Variants in RUNX2 observed in about 807,000 individuals in gnomAD.
RUNX2 encodes the protein RUNX family transcription factor 2, also known as runt-related transcription factor 2.
In RUNX2, 10 loss-of-function variants were observed where a neutral mutation model predicts 51.7. That is an observed-to-expected ratio of 0.19 (90% CI 0.12 to 0.33). RUNX2 has a LOEUF of 0.33. Ranked by LOEUF, RUNX2 falls within the 10% of genes least tolerant of loss-of-function variation. The pLI is 1.00. For missense variants in RUNX2, 562 were observed against 691.3 expected, an observed-to-expected ratio of 0.81 and a Z score of 2.10; for synonymous variants, 276 against 273.6, an observed-to-expected ratio of 1.01 and a Z score of -0.09.
chr6:45,331,019 A>C (rs1406374596), intron 2 of RUNX2, among the ~76,000 whole-genome samples: 1 of 151,994 alleles, frequency 6.6e-6, no homozygotes, highest in Admixed American at 6.6e-5. Context: ...CAATTTTGTA[A>C]AATAGTTAAA....
chr6:45,545,233 C>A lies in RUNX2; in HGVS notation c.1038C>A (p.Thr346=). 1 of 1,549,930 alleles carries A rather than the reference C, an allele frequency of 6.5e-7. No homozygotes were observed. The highest frequency in any genetic ancestry group is 8.7e-7 in the Non-Finnish European group (1 of 1,146,858). ...ATTTTACAGATGATGACACTGCCACCTCTGACTTCTGCCTCTGGCCTTCCA... is the reference window on the plus strand; with the variant it reads ...ATTTTACAGATGATGACACTGCCACATCTGACTTCTGCCTCTGGCCTTCCA... ...PRRISDDDTA[T]SDFCLWPSTL... The change falls in exon 8 of 9, where the codon ACC becomes ACA. Residue 346 remains threonine, a synonymous_variant. Coordinates refer to ENST00000647337, the MANE Select transcript of RUNX2 (RefSeq NM_001024630.4).
intron 5 of RUNX2, among the ~76,000 whole-genome samples, chr6:45,484,405 A>T (rs908003246): frequency 5.9e-5 from 9 of 152,220 alleles, no homozygotes; most frequent in African/African-American, 2.2e-4. Flanking sequence ...TTAATTAAAC[A>T]TTACAAGAGT....
intron 2 of RUNX2, among the ~76,000 whole-genome samples, chr6:45,373,103 G>A (rs1399979169): frequency 6.6e-6 from 1 of 151,972 alleles, no homozygotes; most frequent in Non-Finnish European, 1.5e-5. Context: ...CACCGCACCC[G>A]GCCCAGCTAA....
At chr6:45,368,225 T>C (rs1039182652) in intron 2 of RUNX2, among the ~76,000 whole-genome samples, 15 of 152,166 alleles carry the variant, frequency 9.9e-5, no homozygotes, top group African/African-American at 3.1e-4. Context: ...GATTGGGACC[T>C]AGATTATTTC....
chr6:45,342,978 G>A (rs951160736), intron 2 of RUNX2, among the ~76,000 whole-genome samples: 1 of 152,122 alleles, frequency 6.6e-6, no homozygotes, highest in African/African-American at 2.4e-5. Flanking sequence ...ACATAACCCT[G>A]AGCAACCAAC....
intron 4 of RUNX2, among the ~76,000 whole-genome samples, chr6:45,433,210 C>G (rs1223974408): frequency 2.0e-5 from 3 of 152,118 alleles, no homozygotes; most frequent in South Asian, 2.1e-4. Flanking sequence ...AAATGAGGCT[C>G]ACAGCCTCCG....
At chr6:45,385,418 G>A (rs1797328647) in intron 2 of RUNX2, among the ~76,000 whole-genome samples, 1 of 152,124 alleles carries the variant, frequency 6.6e-6, no homozygotes, top group African/African-American at 2.4e-5. Flanking sequence ...TGGATGAGCT[G>A]CCATCTGTCC....
At chr6:45,365,301 T>C (rs1187997408) in intron 2 of RUNX2, 1 of 1,604,800 alleles carries the variant, frequency 6.2e-7, no homozygotes. Flanking sequence ...GTATTATTCA[T>C]CTAAATAAAA....
At chr6:45,471,585 C>T (rs1407902856) in intron 5 of RUNX2, among the ~76,000 whole-genome samples, 1 of 151,904 alleles carries the variant, frequency 6.6e-6, no homozygotes, top group Non-Finnish European at 1.5e-5. Context: ...GCTGGGACTA[C>T]AGGCGCCCAC....
At chr6:45,507,019 G>A (rs1477698367) in intron 6 of RUNX2, among the ~76,000 whole-genome samples, 7 of 150,410 alleles carry the variant, frequency 4.7e-5, no homozygotes, top group Non-Finnish European at 8.9e-5. Context: ...TTTAGCCCCC[G>A]AAAACTTGTA....
chr6:45,392,417 G>A (rs1007933090), intron 2 of RUNX2, among the ~76,000 whole-genome samples: 3 of 152,102 alleles, frequency 2.0e-5, no homozygotes, highest in Non-Finnish European at 4.4e-5. Context: ...AGCTGAGGCA[G>A]GAGGAATGCA....
chr6:45,474,551 A>G (rs189887785), intron 5 of RUNX2, among the ~76,000 whole-genome samples: 1 of 152,212 alleles, frequency 6.6e-6, no homozygotes, highest in Non-Finnish European at 1.5e-5. Context: ...CACATCTGTT[A>G]ATAAGCCTGG....
At chr6:45,332,351 T>TAC (rs1373623861) in intron 2 of RUNX2, among the ~76,000 whole-genome samples, 1 of 151,444 alleles carries the variant, frequency 6.6e-6, no homozygotes, top group Non-Finnish European at 1.5e-5. Flanking sequence ...CAACTGTATA[T>TAC]ATATATTTAA....
At chr6:45,518,229 C>T (rs540797143) in intron 7 of RUNX2, among the ~76,000 whole-genome samples, 44 of 152,176 alleles carry the variant, frequency 2.9e-4, no homozygotes, top group Non-Finnish European at 3.7e-4. Flanking sequence ...AGAAGTTCTC[C>T]GTTTAAAGCC....
rs983995587 is a variant in RUNX2 at position 45,485,685 on chromosome 6, G to C, written c.686-6256G>C. On this transcript the variant is annotated intron_variant, in intron 5 of 8. Transcript: ENST00000647337. ...TGCATGGATATGTATGTGTGTGTGT[G>C]TGTGTGTGTGTGTATATATATATAT... is the stretch of plus-strand genomic sequence containing the variant. Among the ~76,000 whole-genome samples the C allele has an allele frequency of 3.1e-4, 25 of 81,276 alleles. No individual in the cohort carries two copies. In the East Asian group the frequency reaches 5.5e-3, roughly 18 times the overall value. 53.3% of individuals were successfully genotyped at this position (81,276 alleles called of 152,430 possible).
chr6:45,437,984 T>G lies in RUNX2; in HGVS notation c.618T>G (p.Asn206Lys). The G allele has an allele frequency of 1.2e-6, 2 of 1,613,546 alleles. No individual in the cohort carries two copies. Among genetic ancestry groups the G allele is most frequent in the Non-Finnish European group, 1.7e-6 (2 of 1,179,610 alleles). ...CCTTGACCATAACCGTCTTCACAAA[T>G]CCTCCCCAAGTAGCTACCTATCACA... ...SFTLTITVFT[N>K]PPQVATYHRA... Residue 206 changes from asparagine (N) to lysine (K), a missense_variant, in exon 5 of 9, where the codon AAT (asparagine) becomes AAG (lysine). Physicochemically the swap from Asn to Lys is moderately conservative, Grantham distance 94. Transcript: ENST00000647337.
In RUNX2 at chr6:45,512,378, C is replaced by A. The variant is rs114554762; in HGVS notation, c.992C>A (p.Ala331Asp). 6.2e-7 allele frequency: 1 copy of A among 1,614,098 alleles called. No individual in the cohort carries two copies. The highest frequency in any genetic ancestry group is 8.5e-7 in the Non-Finnish European group (1 of 1,180,024). Reference sequence around the variant, plus strand: ...TCCACACGGGGCACTGGGCTTCCTGCCATCACCGATGTGCCTAGGCGCATT... The same window carrying A: ...TCCACACGGGGCACTGGGCTTCCTGACATCACCGATGTGCCTAGGCGCATT... The part of the protein sequence containing the change: ...LSSTRGTGLP[A>D]ITDVPRRISD... The change falls in exon 7 of 9, where the codon GCC becomes GAC. Residue 331 changes from alanine (A) to aspartate (D), a missense_variant. Around this residue, in one of 5 missense-constraint regions of RUNX2, gnomAD observed 304 missense variants for 353.2 expected, o/e 0.86. Coordinates refer to ENST00000647337, the MANE Select transcript of RUNX2 (RefSeq NM_001024630.4).
intron 5 of RUNX2, among the ~76,000 whole-genome samples, chr6:45,491,431 G>T (rs960234762): frequency 6.6e-6 from 1 of 152,076 alleles, no homozygotes; most frequent in Non-Finnish European, 1.5e-5. Flanking sequence ...TCTTAGTAAA[G>T]AGTAGTTGTA....
intron 2 of RUNX2, among the ~76,000 whole-genome samples, chr6:45,397,143 G>A (rs569171870): frequency 2.2e-3 from 323 of 148,640 alleles, no homozygotes; most frequent in Non-Finnish European, 3.7e-3. Flanking sequence ...TCGCTCTGTC[G>A]CCCAGGCTGG....
Sources: allele counts gnomAD v4.1 joint callset (sites outside exome capture counted in the v4.1 genomes callset), GRCh38; gene constraint gnomAD v4.1.1; regional missense constraint gnomAD v4.1.1; transcripts MANE v1.5; gene names NCBI Gene and HGNC (gene_info 2026-07-23, HGNC 2026-07-21).